The following PTPRN2 variants were observed in gnomAD, a reference collection of about 807,000 sequenced individuals.
The protein encoded by PTPRN2 is protein tyrosine phosphatase receptor type N2, also known as receptor-type tyrosine-protein phosphatase N2.
Under a neutral mutation model 118.8 loss-of-function variants are expected in PTPRN2, and 74 were observed. That is an observed-to-expected ratio of 0.62 (90% CI 0.52 to 0.76). PTPRN2 has a LOEUF of 0.76. PTPRN2 is among the 30% of genes least tolerant of loss of function. The probability of loss-of-function intolerance (pLI) is 0.00; values close to 1 mark genes in which losing one functional copy is unlikely to be tolerated. For missense variants in PTPRN2, 1,481 were observed against 1,394.4 expected (o/e 1.06, Z -0.99); for synonymous variants, 641 against 608.0 (o/e 1.05, Z -0.80).
chr7:157,900,715 A>G (rs911174913), intron 11 of PTPRN2, among the ~76,000 whole-genome samples: 1 of 151,562 alleles, frequency 6.6e-6, no homozygotes, highest in Non-Finnish European at 1.5e-5. Flanking sequence ...GCTCAGGGGC[A>G]CCCCCTCCCT....
rs572101931 is a variant in PTPRN2 at position 158,437,536 on chromosome 7, C to T, written c.163+52199G>A. 1.3e-4 allele frequency among the ~76,000 whole-genome samples: 20 copies of T among 152,218 alleles called. No homozygotes were observed. The East Asian group carries it at 2.9e-3, about 22-fold the overall frequency. On this transcript the variant is annotated intron_variant, in intron 2 of 22. Transcript: ENST00000389418. The stretch of plus-strand genomic sequence containing the variant: ...CTTCCTCCTCACTAGACAGCCAGAT[C>T]GAGGGTAGATCCCCTTAACTCAAGG...
rs142891565 is a variant in PTPRN2, at chr7:157,776,364, CCT to C, written c.1789-93429_1789-93428del. Among the ~76,000 whole-genome samples, 199 of 124,774 alleles carry C rather than the reference CCT, an allele frequency of 1.6e-3. 6 individuals are homozygous for C. In the South Asian group the frequency reaches 0.024, roughly 15 times the overall value. 81.9% of individuals were successfully genotyped at this position (124,774 alleles called of 152,430 possible). A position where few individuals can be genotyped will look rare whatever the true frequency, so the allele number is the denominator to read the frequency against. On this transcript the variant is annotated intron_variant, in intron 12 of 22. Coordinates refer to ENST00000389418, the MANE Select transcript of PTPRN2 (RefSeq NM_002847.5). ...CCTCCTCCTTCTCCTCTTCCTCCCT[CCT>C]CTCTCTTCTTCCTCACTCTCCTCCT...
intron 12 of PTPRN2, among the ~76,000 whole-genome samples, chr7:157,752,071 C>G (rs1026920929): frequency 6.6e-6 from 1 of 152,166 alleles, no homozygotes. Flanking sequence ...AGCTCCCAAG[C>G]AGGATCCACG....
intron 2 of PTPRN2, among the ~76,000 whole-genome samples, chr7:158,464,878 T>G (rs183232887): frequency 4.6e-5 from 7 of 152,260 alleles, no homozygotes; most frequent in African/African-American, 1.7e-4. Context: ...TGCCAATGAG[T>G]AAATATCACC....
chr7:157,719,705 C>A (rs79687270), intron 12 of PTPRN2, among the ~76,000 whole-genome samples: 10 of 152,208 alleles, frequency 6.6e-5, no homozygotes, highest in Non-Finnish European at 1.3e-4. Flanking sequence ...GCTCGGCCCG[C>A]GGGACAAGGC....
chr7:157,734,275 G>GCACAC lies in PTPRN2; in HGVS notation c.1789-51339_1789-51338insGTGTG, dbSNP rs1563053326. ...TCTTCCGTCCCATGTGCCCAGTGCA[G>GCACAC]TCTTCCGTCCCATGCGCCCAGTGCA... On this transcript the variant is annotated intron_variant, in intron 12 of 22. Coordinates refer to ENST00000389418, the MANE Select transcript of PTPRN2 (RefSeq NM_002847.5). Among the ~76,000 whole-genome samples the GCACAC allele has an allele frequency of 2.6e-3, 185 of 70,218 alleles. 33 individuals are homozygous for GCACAC. The highest frequency in any genetic ancestry group is 5.4e-3 in the African/African-American group (112 of 20,626). 46.1% of individuals were successfully genotyped at this position (70,218 alleles called of 152,430 possible).
intron 1 of PTPRN2, chr7:158,541,438 G>C (rs764661063): frequency 7.4e-7 from 1 of 1,351,376 alleles, no homozygotes; most frequent in African/African-American, 1.5e-5. Flanking sequence ...GCCCACATCT[G>C]CACCAGACAC....
rs149029612 is a variant in PTPRN2, at chr7:158,564,838, C to T, written c.112+22720G>A. On this transcript the variant is annotated intron_variant, in intron 1 of 22. Coordinates refer to ENST00000389418, the MANE Select transcript of PTPRN2 (RefSeq NM_002847.5). Reference sequence around the variant, plus strand: ...GAAATGGCTCTGTGGCCCATATCAGCCAGGAAAATGAAGGGTCACAGACGC... The same window carrying T: ...GAAATGGCTCTGTGGCCCATATCAGTCAGGAAAATGAAGGGTCACAGACGC... Among the ~76,000 whole-genome samples the T allele has an allele frequency of 9.6e-4, 147 of 152,340 alleles. No individual in the cohort carries two copies. In the East Asian group the frequency reaches 0.025, roughly 26 times the overall value.
Position 158,555,187 on chromosome 7 carries a change from A to G in PTPRN2, c.112+32371T>C, listed in dbSNP as rs954846101. On this transcript the variant is annotated intron_variant, in intron 1 of 22. Transcript: ENST00000389418. The surrounding 1 kb of genome is among the most constrained non-coding windows in gnomAD (Gnocchi z 4.7). ...ACTGATCTACTGCAAATCACCCCCGACGCAACCACCAACTCCGCCAGAGGA... is the reference window on the plus strand; with the variant it reads ...ACTGATCTACTGCAAATCACCCCCGGCGCAACCACCAACTCCGCCAGAGGA... 6.6e-6 allele frequency among the ~76,000 whole-genome samples: 1 copy of G among 152,100 alleles called. No homozygotes were observed. The highest frequency in any genetic ancestry group is 1.5e-5 in the Non-Finnish European group (1 of 67,994).
chr7:158,019,557 T>C (rs1806711844), intron 11 of PTPRN2, among the ~76,000 whole-genome samples: 1 of 152,354 alleles, frequency 6.6e-6, no homozygotes, highest in East Asian at 1.9e-4. Flanking sequence ...TTCCTTAGTA[T>C]CTTTCTTCTA....
At chr7:157,650,807 G>A (rs974652439) in intron 14 of PTPRN2, among the ~76,000 whole-genome samples, 1 of 152,254 alleles carries the variant, frequency 6.6e-6, no homozygotes, top group South Asian at 2.1e-4. Flanking sequence ...TTGCAGCCTT[G>A]GGCAGGGACA....
rs73180250 is a variant in PTPRN2 at position 158,555,751 on chromosome 7, G to A, written c.112+31807C>T. ...CAGGTGGCCGGTGTTGCTTCCCAGCGGGTTCCACCCACTGCCTAGCAGGCC... is the reference window on the plus strand; with the variant it reads ...CAGGTGGCCGGTGTTGCTTCCCAGCAGGTTCCACCCACTGCCTAGCAGGCC... On this transcript the variant is annotated intron_variant, in intron 1 of 22. Transcript: ENST00000389418. This position sits in a 1 kb window ranked among gnomAD's most constrained non-coding sequence, Gnocchi z 4.7. Among the ~76,000 whole-genome samples the A allele has an allele frequency of 7.5e-3, 1,147 of 152,152 alleles. 4 individuals are homozygous for A. The highest frequency in any genetic ancestry group is 0.014 in the Middle Eastern group (4 of 294).
intron 12 of PTPRN2, among the ~76,000 whole-genome samples, chr7:157,803,953 A>G (rs970836884): frequency 2.0e-5 from 3 of 152,240 alleles, no homozygotes; most frequent in Admixed American, 6.5e-5. Context: ...TTCCCTAGAC[A>G]GTGAAATAAT....
rs181789170 is a variant in PTPRN2, at chr7:157,977,770, G to C, written c.1724-79033C>G. 1.2e-3 allele frequency among the ~76,000 whole-genome samples: 188 copies of C among 151,978 alleles called. 1 individual carries two copies. Among genetic ancestry groups the C allele is most frequent in the Non-Finnish European group, 1.9e-3 (129 of 67,900 alleles). On this transcript the variant is annotated intron_variant, in intron 11 of 22. Coordinates refer to ENST00000389418, the MANE Select transcript of PTPRN2 (RefSeq NM_002847.5). The surrounding 1 kb of genome is among the most constrained non-coding windows in gnomAD (Gnocchi z 4.6). Reference sequence around the variant, plus strand: ...TACCATCTCGAGAGGCTGCAGCAGGGACACTTGAAGATCTAGTGACACCTA... The same window carrying C: ...TACCATCTCGAGAGGCTGCAGCAGGCACACTTGAAGATCTAGTGACACCTA...
intron 11 of PTPRN2, among the ~76,000 whole-genome samples, chr7:157,995,228 C>T (rs1253019509): frequency 1.3e-5 from 2 of 150,570 alleles, no homozygotes; most frequent in Non-Finnish European, 2.9e-5. Flanking sequence ...GCTTACAACT[C>T]CTTGTTCCTA....
chr7:158,111,971 C>T (rs554088510), intron 9 of PTPRN2, among the ~76,000 whole-genome samples: 29 of 152,268 alleles, frequency 1.9e-4, no homozygotes, highest in South Asian at 4.1e-4. Flanking sequence ...CAGAGACAAA[C>T]GCACAGGGTG....
chr7:158,454,032 T>C (rs1206586431), intron 2 of PTPRN2, among the ~76,000 whole-genome samples: 14 of 137,746 alleles, frequency 1.0e-4, no homozygotes, highest in African/African-American at 3.0e-4. Flanking sequence ...GGATTGGGGA[T>C]GGTTGCTATG....
chr7:157,777,494 G>A (rs745325002), intron 12 of PTPRN2, among the ~76,000 whole-genome samples: 16 of 151,196 alleles, frequency 1.1e-4, no homozygotes, highest in Non-Finnish European at 1.6e-4. Context: ...CCTTCCTGAT[G>A]CCGGAGGACA....
At chr7:157,761,835 T>G (rs1421676253) in intron 12 of PTPRN2, among the ~76,000 whole-genome samples, 28 of 151,546 alleles carry the variant, frequency 1.8e-4, no homozygotes, top group Non-Finnish European at 2.9e-5. Flanking sequence ...GGGAGAAAAT[T>G]TTTGCAACCT....
Sources: allele counts gnomAD v4.1 joint callset (sites outside exome capture counted in the v4.1 genomes callset), GRCh38; gene constraint gnomAD v4.1.1; non-coding constraint Gnocchi (gnomAD v3.1); transcripts MANE v1.5; gene names NCBI Gene and HGNC (gene_info 2026-07-23, HGNC 2026-07-21).